Variants in MEGF10 observed in about 807,000 individuals in gnomAD.
The protein encoded by MEGF10 is multiple epidermal growth factor-like domains protein 10.
In MEGF10, 86 loss-of-function variants were observed where a neutral mutation model predicts 147.5. The observed-to-expected ratio is 0.58, with a 90% CI of 0.49 to 0.70. The LOEUF is 0.70. MEGF10 is among the 30% of genes least tolerant of loss of function. MEGF10 has a pLI of 0.00. For synonymous variants in MEGF10, 478 were observed against 525.5 expected (o/e 0.91, Z 1.24); for missense variants, 1,329 against 1,487.3 (o/e 0.89, Z 1.75).
At chr5:127,370,104 A>G in intron 5 of MEGF10, 102 bp downstream of exon 5, 1 of 807,824 alleles carries the variant, frequency 1.2e-6, no homozygotes, top group Non-Finnish European at 2.0e-6. Context: ...TCATCCCTAC[A>G]CAGAGCATAG....
At chr5:127,378,421 C>T (rs1434910582) in intron 5 of MEGF10, among the ~76,000 whole-genome samples, 1 of 152,132 alleles carries the variant, frequency 6.6e-6, no homozygotes, top group African/African-American at 2.4e-5. Context: ...TTTGTGACAT[C>T]TCTTCCTGTC....
chr5:127,285,805 T>C (rs1561548673), upstream of MEGF10, among the ~76,000 whole-genome samples: 1 of 152,100 alleles, frequency 6.6e-6, no homozygotes, highest in Non-Finnish European at 1.5e-5. Context: ...TGAATCCCAC[T>C]ACTGGGTATT....
intron 5 of MEGF10, among the ~76,000 whole-genome samples, chr5:127,391,551 CA>C (rs759950264): frequency 1.4e-5 from 2 of 146,584 alleles, no homozygotes; most frequent in Non-Finnish European, 3.0e-5. Context: ...GCCTGGGTGA[CA>C]GAGTGAGACC....
intron 20 of MEGF10, among the ~76,000 whole-genome samples, chr5:127,446,055 A>G (rs937519183): frequency 1.3e-5 from 2 of 152,076 alleles, no homozygotes; most frequent in Non-Finnish European, 2.9e-5. Context: ...CAGATTAGGG[A>G]CCAGTTCTCC....
intron 18 of MEGF10, among the ~76,000 whole-genome samples, chr5:127,442,592 T>G (rs1370370066): frequency 6.6e-6 from 1 of 152,236 alleles, no homozygotes; most frequent in Non-Finnish European, 1.5e-5. Context: ...AATATATATG[T>G]TCTCAAGAAA....
intron 4 of MEGF10, among the ~76,000 whole-genome samples, chr5:127,358,126 AT>A (rs1276855696): frequency 6.6e-6 from 1 of 152,198 alleles, no homozygotes; most frequent in Non-Finnish European, 1.5e-5. Flanking sequence ...TAAGACTTTC[AT>A]ACCGAAATGC....
intron 1 of MEGF10, among the ~76,000 whole-genome samples, chr5:127,294,191 G>A (rs985583372): frequency 2.6e-5 from 4 of 152,166 alleles, no homozygotes; most frequent in African/African-American, 9.6e-5. Context: ...GATATCTCAT[G>A]CGAGTTCCCA....
chr5:127,350,897 T>TG (rs1762062061), intron 4 of MEGF10, among the ~76,000 whole-genome samples: 2 of 151,918 alleles, frequency 1.3e-5, no homozygotes, highest in African/African-American at 4.8e-5. Flanking sequence ...TCCGGGTAAA[T>TG]GGGGTGTTCA....
chr5:127,449,302 A>T (rs1580885570), intron 22 of MEGF10, 80 bp downstream of exon 22: 1 of 1,574,704 alleles, frequency 6.4e-7, no homozygotes, highest in South Asian at 1.2e-5. Flanking sequence ...TGTTTGTGCC[A>T]AGGTGTTCTA....
intron 1 of MEGF10, among the ~76,000 whole-genome samples, chr5:127,300,224 T>A (rs1759708081): frequency 6.6e-6 from 1 of 152,216 alleles, no homozygotes; most frequent in Admixed American, 6.5e-5. Flanking sequence ...AGTTCATTAA[T>A]TTTCAATTTG....
At chr5:127,272,269 A>G in the MEGF10 span, among the ~76,000 whole-genome samples, 5 of 151,858 alleles carry the variant, frequency 3.3e-5, no homozygotes, top group Admixed American at 1.3e-4. Context: ...TGGGTTCTCT[A>G]TTTTGTTCCA....
chr5:127,433,032 C>T (rs1030723909), intron 13 of MEGF10, among the ~76,000 whole-genome samples: 7 of 152,110 alleles, frequency 4.6e-5, no homozygotes, highest in Admixed American at 1.3e-4. Flanking sequence ...AGGAAGTCAC[C>T]AAGGGCTAAA....
chr5:127,360,835 CATATATATGTGTGT>C (rs1258492290), intron 4 of MEGF10, among the ~76,000 whole-genome samples: 4 of 150,726 alleles, frequency 2.7e-5, no homozygotes, highest in African/African-American at 4.9e-5. Flanking sequence ...TATGAAGGAA[CATATATATGTGTGT>C]ATATATATGT....
At chr5:127,358,042 T>C (rs930254075) in intron 4 of MEGF10, among the ~76,000 whole-genome samples, 3 of 152,234 alleles carry the variant, frequency 2.0e-5, no homozygotes, top group Admixed American at 1.3e-4. Flanking sequence ...AAGGTTCTGC[T>C]GCCAGCTTTC....
chr5:127,315,115 T>C lies in MEGF10; in HGVS notation c.-18-16176T>C, dbSNP rs561037697. 2.0e-5 allele frequency among the ~76,000 whole-genome samples: 3 copies of C among 152,292 alleles called. No homozygotes were observed. In the South Asian group the frequency reaches 6.2e-4, roughly 32 times the overall value. Reference sequence around the variant, plus strand: ...AGAGATTAAGGAAAATGTCAGAGATTGCAAAGCTTGTGGCCCTGCTGAGTT... The same window carrying C: ...AGAGATTAAGGAAAATGTCAGAGATCGCAAAGCTTGTGGCCCTGCTGAGTT... On this transcript the variant is annotated intron_variant, in intron 1 of 24. Coordinates refer to ENST00000503335, the MANE Select transcript of MEGF10 (RefSeq NM_001256545.2).
chr5:127,278,352 A>G, the MEGF10 span, among the ~76,000 whole-genome samples: 3 of 152,204 alleles, frequency 2.0e-5, no homozygotes, highest in Non-Finnish European at 4.4e-5. Context: ...GCAGTATTAA[A>G]TTGAGGGTTG....
the MEGF10 span, among the ~76,000 whole-genome samples, chr5:127,256,206 T>C: frequency 6.6e-6 from 1 of 152,200 alleles, no homozygotes; most frequent in Non-Finnish European, 1.5e-5. Flanking sequence ...GCTGTGTTTT[T>C]AAATGTTAAG....
the MEGF10 span, among the ~76,000 whole-genome samples, chr5:127,262,094 A>C: frequency 9.2e-5 from 14 of 152,154 alleles, no homozygotes; most frequent in Non-Finnish European, 1.8e-4. Flanking sequence ...CCTTTGGTAT[A>C]TGAGAGTTTT....
the MEGF10 span, among the ~76,000 whole-genome samples, chr5:127,252,213 T>A: frequency 6.6e-6 from 1 of 151,842 alleles, no homozygotes; most frequent in African/African-American, 2.4e-5. Context: ...TTTTTTACTA[T>A]CTATTAAGAT....
Sources: gnomAD v4.1 joint callset for allele counts (sites outside exome capture counted in the v4.1 genomes callset) on GRCh38, gnomAD v4.1.1 for gene constraint, MANE v1.5 for transcripts, NCBI Gene and HGNC (gene_info 2026-07-23, HGNC 2026-07-21) for gene names.